CADM1: variants seen among roughly 807,000 people sequenced by gnomAD.
CADM1 encodes cell adhesion molecule 1, also known as TSLC-1.
Under a neutral mutation model 53.1 loss-of-function variants are expected in CADM1, and 15 were observed. The observed-to-expected ratio is 0.28, with a 90% CI of 0.19 to 0.44. The LOEUF is 0.44. CADM1 is among the 20% of genes least tolerant of loss of function. The pLI, the probability that CADM1 is intolerant of heterozygous loss-of-function variation, is 1.00. For missense variants in CADM1, 434 were observed against 611.3 expected (o/e 0.71, Z 3.06); for synonymous variants, 281 against 243.0 (o/e 1.16, Z -1.45).
At chr11:115,377,024 G>A (rs1006112139) in intron 1 of CADM1, among the ~76,000 whole-genome samples, 3 of 152,070 alleles carry the variant, frequency 2.0e-5, no homozygotes, top group Admixed American at 1.3e-4. Flanking sequence ...AATGTCATGC[G>A]CCATGACTAA....
Position 115,329,806 on chromosome 11 carries a change from G to C in CADM1, c.125-89386C>G, listed in dbSNP as rs1286853823. On this transcript the variant is annotated intron_variant, in intron 1 of 11. Transcript: ENST00000331581. Reference sequence around the variant, plus strand: ...GATGGAGATGGCTCTCAGCAGGATGGATAGGGAGCCGGAAAGGAGATGGAG... The same window carrying C: ...GATGGAGATGGCTCTCAGCAGGATGCATAGGGAGCCGGAAAGGAGATGGAG... 2.0e-5 allele frequency among the ~76,000 whole-genome samples: 3 copies of C among 152,026 alleles called. No individual in the cohort carries two copies. In the East Asian group the frequency reaches 5.9e-4, roughly 30 times the overall value.
intron 1 of CADM1, among the ~76,000 whole-genome samples, chr11:115,336,844 T>C (rs764474941): frequency 2.0e-5 from 3 of 152,158 alleles, no homozygotes; most frequent in Non-Finnish European, 4.4e-5. Flanking sequence ...GAAAAAAAAT[T>C]AAATTGAACT....
chr11:115,306,402 C>A (rs1944376208), intron 1 of CADM1, among the ~76,000 whole-genome samples: 1 of 151,950 alleles, frequency 6.6e-6, no homozygotes, highest in East Asian at 1.9e-4. Flanking sequence ...AATTGCCTAA[C>A]AACACATTTC....
intron 1 of CADM1, among the ~76,000 whole-genome samples, chr11:115,355,016 C>A (rs1945828328): frequency 6.6e-6 from 1 of 152,182 alleles, no homozygotes; most frequent in Non-Finnish European, 1.5e-5. Context: ...CACTCCTCTA[C>A]ATCTTGTAGA....
chr11:115,434,860 A>ATTTTTTTTTTTTT (rs35368859), intron 1 of CADM1, among the ~76,000 whole-genome samples: 1 of 132,824 alleles, frequency 7.5e-6, no homozygotes, highest in Non-Finnish European at 1.6e-5. Context: ...TATTATTATT[A>ATTTTTTTTTTTTT]TTATTTTTTT....
intron 1 of CADM1, among the ~76,000 whole-genome samples, chr11:115,431,403 C>T (rs900315270): frequency 6.6e-6 from 1 of 152,172 alleles, no homozygotes; most frequent in Non-Finnish European, 1.5e-5. Flanking sequence ...ATACAAGCCA[C>T]TGTTACCTCT....
chr11:115,174,673 C>T lies in CADM1; in HGVS notation c.*1801G>A, dbSNP rs796172373. ...TAAATAAATCAGCATAAGTTTTCCA[C>T]ATAATGTAACAATAGTAAAAATGCA... On this transcript the variant is annotated 3_prime_UTR_variant, in exon 12 of 12. Transcript: ENST00000331581. The T allele has an allele frequency of 7.9e-5, 78 of 982,018 alleles. 1 individual carries two copies. The African/African-American group carries it at 1.3e-3, about 16-fold the overall frequency. The allele number at this position is 982,018 out of a possible 1,614,324, so 60.8% of individuals were successfully genotyped here. A position where few individuals can be genotyped will look rare whatever the true frequency, so the allele number is the denominator to read the frequency against.
intron 1 of CADM1, among the ~76,000 whole-genome samples, chr11:115,322,142 G>A (rs1448793725): frequency 1.3e-5 from 2 of 152,232 alleles, no homozygotes; most frequent in South Asian, 2.1e-4. Flanking sequence ...GCTTCAATTC[G>A]TGGCCATTGT....
intron 1 of CADM1, among the ~76,000 whole-genome samples, chr11:115,346,434 T>G (rs1945579802): frequency 1.3e-5 from 2 of 152,176 alleles, no homozygotes; most frequent in South Asian, 4.1e-4. Flanking sequence ...GGTCTTGCTA[T>G]GTTCCCCGGG....
At chr11:115,201,387 A>C (rs1164011767) in intron 8 of CADM1, among the ~76,000 whole-genome samples, 1 of 152,190 alleles carries the variant, frequency 6.6e-6, no homozygotes, top group Non-Finnish European at 1.5e-5. Context: ...CCTGCAGGAG[A>C]CCACGATGAC....
chr11:115,441,732 T>C (rs1258466661), intron 1 of CADM1, among the ~76,000 whole-genome samples: 1 of 152,144 alleles, frequency 6.6e-6, no homozygotes, highest in Non-Finnish European at 1.5e-5. Context: ...TCTAGCCCCT[T>C]CCGTTATTTT....
intron 10 of CADM1, among the ~76,000 whole-genome samples, chr11:115,186,468 G>T (rs1316955294): frequency 2.0e-5 from 3 of 152,148 alleles, no homozygotes; most frequent in Non-Finnish European, 4.4e-5. Context: ...GGGTCAAGAG[G>T]ATTACCAAAG....
chr11:115,423,346 T>C (rs1315712466), intron 1 of CADM1, among the ~76,000 whole-genome samples: 4 of 152,170 alleles, frequency 2.6e-5, no homozygotes, highest in Non-Finnish European at 5.9e-5. Flanking sequence ...TCTCTATGGC[T>C]TGTACTTGCC....
At chr11:115,401,305 G>A (rs1274507719) in intron 1 of CADM1, among the ~76,000 whole-genome samples, 1 of 152,206 alleles carries the variant, frequency 6.6e-6, no homozygotes, top group Non-Finnish European at 1.5e-5. Flanking sequence ...AAACTACAGA[G>A]ACAGTAAAAA....
At chr11:115,442,054 A>T (rs1485727658) in intron 1 of CADM1, among the ~76,000 whole-genome samples, 1 of 152,000 alleles carries the variant, frequency 6.6e-6, no homozygotes, top group Non-Finnish European at 1.5e-5. Flanking sequence ...CACCAAGGAA[A>T]TGTAATATGG....
At chr11:115,354,035 T>C (rs1945802498) in intron 1 of CADM1, among the ~76,000 whole-genome samples, 2 of 152,132 alleles carry the variant, frequency 1.3e-5, no homozygotes, top group Non-Finnish European at 2.9e-5. Flanking sequence ...CAGCACACAG[T>C]ACAAAATTAA....
At chr11:115,458,949 C>T (rs1056425855) in intron 1 of CADM1, among the ~76,000 whole-genome samples, 2 of 152,156 alleles carry the variant, frequency 1.3e-5, no homozygotes, top group Admixed American at 6.5e-5. Flanking sequence ...TCTTTGCATA[C>T]AACGCATAGC....
At position 115,196,647 on chromosome 11, in the gene CADM1, A is replaced by T. The variant is rs1940171420; in HGVS notation, c.1111+1759T>A. Among the ~76,000 whole-genome samples the T allele has an allele frequency of 5.4e-5, 8 of 147,822 alleles. No homozygotes were observed. In the Admixed American group the frequency reaches 5.5e-4, roughly 10 times the overall value. ...CACAAAACAATCTCACACTGTTTTA[A>T]GAAAGTTTATGAATTTGTGTTGGGC... On this transcript the variant is annotated intron_variant, in intron 9 of 11. Coordinates refer to ENST00000331581, the MANE Select transcript of CADM1 (RefSeq NM_001301043.2).
chr11:115,238,064 A>G (rs1942072497), intron 3 of CADM1, among the ~76,000 whole-genome samples: 1 of 152,218 alleles, frequency 6.6e-6, no homozygotes, highest in Non-Finnish European at 1.5e-5. Flanking sequence ...AAGGAGATCA[A>G]CAATATTAAA....
Sources: allele counts gnomAD v4.1 joint callset (sites outside exome capture counted in the v4.1 genomes callset), GRCh38; gene constraint gnomAD v4.1.1; transcripts MANE v1.5; gene names NCBI Gene and HGNC (gene_info 2026-07-23, HGNC 2026-07-21).